PIK3C2G: variants seen among roughly 807,000 people sequenced by gnomAD.
PIK3C2G encodes the protein phosphatidylinositol 3-kinase C2 domain-containing subunit gamma.
PIK3C2G carries 168 observed loss-of-function variants against 181.1 expected under a neutral mutation model. That is an observed-to-expected ratio of 0.93 (90% CI 0.82 to 1.05). PIK3C2G has a LOEUF of 1.05. Among genes scored for constraint, PIK3C2G ranks in the 50% least tolerant of loss-of-function variants. PIK3C2G has a pLI of 0.00. For synonymous variants in PIK3C2G, 573 were observed against 592.2 expected, an observed-to-expected ratio of 0.97 and a Z score of 0.47; for missense variants, 1,869 against 1,732.8, an observed-to-expected ratio of 1.08 and a Z score of -1.40.
chr12:18,294,133 C>A (rs1199054520), intron 5 of PIK3C2G, 118 bp downstream of exon 5: 3 of 568,334 alleles, frequency 5.3e-6, no homozygotes, highest in African/African-American at 3.9e-5. Flanking sequence ...ATAATTAAAT[C>A]AATTTTACCC....
At chr12:18,506,074 G>A (rs184743380) in intron 24 of PIK3C2G, among the ~76,000 whole-genome samples, 347 of 152,262 alleles carry the variant, frequency 2.3e-3, no homozygotes, top group African/African-American at 7.2e-3. Flanking sequence ...AACTGGAGTG[G>A]GGATACTATT....
At chr12:18,476,415 G>A (rs753048354) in intron 18 of PIK3C2G, among the ~76,000 whole-genome samples, 16 of 152,196 alleles carry the variant, frequency 1.1e-4, no homozygotes, top group Admixed American at 4.6e-4. Context: ...TGCTCTGTTT[G>A]TTATACTAAG....
the PIK3C2G span, among the ~76,000 whole-genome samples, chr12:18,669,982 A>T: frequency 6.6e-6 from 1 of 152,046 alleles, no homozygotes; most frequent in Non-Finnish European, 1.5e-5. Flanking sequence ...TCCTCTTCTT[A>T]TAAGGGCATT....
At chr12:18,330,317 ATC>A (rs1399146906) in intron 8 of PIK3C2G, among the ~76,000 whole-genome samples, 3 of 152,092 alleles carry the variant, frequency 2.0e-5, no homozygotes, top group Admixed American at 2.0e-4. Flanking sequence ...TTTACAGTAA[ATC>A]TCTCTCATCC....
chr12:18,301,411 T>A (rs1425877057), intron 5 of PIK3C2G, among the ~76,000 whole-genome samples: 1 of 152,158 alleles, frequency 6.6e-6, no homozygotes, highest in African/African-American at 2.4e-5. Flanking sequence ...AAATATTGTT[T>A]TACTTTTTTT....
chr12:18,382,085 T>C (rs1565658545), intron 14 of PIK3C2G, among the ~76,000 whole-genome samples: 1 of 152,204 alleles, frequency 6.6e-6, no homozygotes, highest in African/African-American at 2.4e-5. Flanking sequence ...ATAATGGCAA[T>C]TTCAAACCAT....
intron 11 of PIK3C2G, among the ~76,000 whole-genome samples, chr12:18,361,375 C>T (rs1482875728): frequency 6.6e-6 from 1 of 151,918 alleles, no homozygotes; most frequent in Non-Finnish European, 1.5e-5. Context: ...ATTTATACAA[C>T]TTTATTTTCT....
chr12:18,348,344 G>T (rs1939880705), intron 11 of PIK3C2G, among the ~76,000 whole-genome samples: 1 of 152,008 alleles, frequency 6.6e-6, no homozygotes, highest in South Asian at 2.1e-4. Flanking sequence ...GTGTGTGTGT[G>T]TGTGCGTATG....
At chr12:18,298,437 T>TATTTATTTATTTATTTATTATGC in intron 5 of PIK3C2G, among the ~76,000 whole-genome samples, 1 of 151,426 alleles carries the variant, frequency 6.6e-6, no homozygotes, top group South Asian at 2.1e-4. Context: ...TGAGTTTCTT[T>TATTTATTTATTTATTTATTATGC]TATATTCTGC....
chr12:18,245,634 C>T (rs1028463404), upstream of PIK3C2G, among the ~76,000 whole-genome samples: 2 of 151,988 alleles, frequency 1.3e-5, no homozygotes, highest in African/African-American at 4.8e-5. Context: ...ATGTAACTTA[C>T]AATTTTTAAG....
chr12:18,596,385 T>A (rs1004755810), intron 30 of PIK3C2G, among the ~76,000 whole-genome samples: 1 of 152,122 alleles, frequency 6.6e-6, no homozygotes, highest in Non-Finnish European at 1.5e-5. Flanking sequence ...AAAAAGTTGC[T>A]GGATTTTATT....
At chr12:18,710,375 T>C in the PIK3C2G span, among the ~76,000 whole-genome samples, 1 of 151,902 alleles carries the variant, frequency 6.6e-6, no homozygotes, top group East Asian at 1.9e-4. Context: ...CCTTGAGATA[T>C]GTCTGAAAAG....
intron 11 of PIK3C2G, among the ~76,000 whole-genome samples, chr12:18,348,625 A>T (rs986734057): frequency 1.3e-5 from 2 of 152,188 alleles, no homozygotes; most frequent in African/African-American, 4.8e-5. Context: ...TTCCTGTCTT[A>T]AGGAATCCAT....
intron 30 of PIK3C2G, among the ~76,000 whole-genome samples, chr12:18,605,627 A>C (rs988659339): frequency 1.3e-5 from 2 of 152,158 alleles, no homozygotes; most frequent in Admixed American, 6.5e-5. Flanking sequence ...GTCATCCTTA[A>C]AATTAAAAAT....
At chr12:18,285,061 C>T (rs1477641384) in intron 2 of PIK3C2G, among the ~76,000 whole-genome samples, 1 of 151,960 alleles carries the variant, frequency 6.6e-6, no homozygotes, top group Admixed American at 6.6e-5. Context: ...AAGACAGCCA[C>T]ATATAGACAT....
At chr12:18,321,970 G>C (rs1425156693) in intron 7 of PIK3C2G, among the ~76,000 whole-genome samples, 1 of 152,190 alleles carries the variant, frequency 6.6e-6, no homozygotes. Context: ...AGGATAAATA[G>C]CTAATGCATG....
In PIK3C2G at chr12:18,475,765, T is replaced by C. The variant is rs1289779061; in HGVS notation, c.2505-12684T>C. Among the ~76,000 whole-genome samples, 7 of 152,106 alleles carry C rather than the reference T, an allele frequency of 4.6e-5. 1 individual carries two copies. The highest frequency in any genetic ancestry group is 1.0e-4 in the Non-Finnish European group (7 of 67,990). ...TTTTAAGTATATGCATGTATATGTA[T>C]AATATGCAAACTCTTAGGCGACTAA... is the stretch of plus-strand genomic sequence containing the variant. On this transcript the variant is annotated intron_variant, in intron 18 of 32. Transcript: ENST00000538779.
intron 14 of PIK3C2G, among the ~76,000 whole-genome samples, chr12:18,386,808 T>C (rs1256259326): frequency 6.6e-6 from 1 of 152,214 alleles, no homozygotes; most frequent in Non-Finnish European, 1.5e-5. Flanking sequence ...TGTGAACATA[T>C]GTTTTCATCT....
At position 18,584,345 on chromosome 12, in the gene PIK3C2G, C is replaced by T. The variant is rs1182828180; in HGVS notation, c.4012-10149C>T. The stretch of plus-strand genomic sequence containing the variant: ...TAAATAGACAGTATTTTTAAAAACC[C>T]TAATAGATCTGATAAAGCAGAAAAA... On this transcript the variant is annotated intron_variant, in intron 29 of 32. Coordinates refer to ENST00000538779, the MANE Select transcript of PIK3C2G (RefSeq NM_001288772.2). Among the ~76,000 whole-genome samples the T allele has an allele frequency of 2.0e-5, 3 of 152,094 alleles. No homozygotes were observed. In the East Asian group the frequency reaches 5.8e-4, roughly 29 times the overall value.
Sources: allele counts gnomAD v4.1 joint callset (sites outside exome capture counted in the v4.1 genomes callset), GRCh38; gene constraint gnomAD v4.1.1; transcripts MANE v1.5; gene names NCBI Gene and HGNC (gene_info 2026-07-23, HGNC 2026-07-21).